SMG5: variants seen among roughly 807,000 people sequenced by gnomAD.
The protein encoded by SMG5 is nonsense-mediated mRNA decay factor SMG5.
SMG5 carries 53 observed loss-of-function variants against 122.9 expected under a neutral mutation model. The observed-to-expected ratio is 0.43, with a 90% CI of 0.35 to 0.54. The LOEUF is 0.54. SMG5 is among the 20% of genes least tolerant of loss of function. SMG5 has a pLI of 0.01. For synonymous variants in SMG5, 477 were observed against 490.2 expected, an observed-to-expected ratio of 0.97 and a Z score of 0.35; for missense variants, 1,153 against 1,285.6, an observed-to-expected ratio of 0.90 and a Z score of 1.58.
intron 11 of SMG5, 30 bp from the exon 12 acceptor site, chr1:156,266,410 C>T (rs748484492): frequency 1.1e-5 from 17 of 1,602,788 alleles, no homozygotes; most frequent in Admixed American, 1.0e-4. Flanking sequence ...AGGTGGAGCC[C>T]GAGGAACAGG....
chr1:156,258,795 TA>T lies in SMG5; in HGVS notation c.2442+209del, dbSNP rs543913594. On this transcript the variant is annotated intron_variant, in intron 16 of 21. Transcript: ENST00000361813. ...GGCAACAGAGTGGGACTCCATCTCATAAAAAAAAAAAAAACCCCTCTCAGTC... is the reference window on the plus strand; with the variant it reads ...GGCAACAGAGTGGGACTCCATCTCATAAAAAAAAAAAAACCCCTCTCAGTC... 2.3e-3 allele frequency among the ~76,000 whole-genome samples: 305 copies of T among 134,508 alleles called. 1 individual carries two copies. Among genetic ancestry groups the T allele is most frequent in the African/African-American group, 2.2e-3 (81 of 36,794 alleles). The allele number at this position is 134,508 out of a possible 152,430, so 88.2% of individuals were successfully genotyped here.
At chr1:156,253,631 TG>T in intron 16 of SMG5, 123 bp from the exon 17 acceptor site, 1 of 836,736 alleles carries the variant, frequency 1.2e-6, no homozygotes, top group Non-Finnish European at 2.0e-6. Flanking sequence ...TCTCTAGCAC[TG>T]CTGCTGAATG....
chr1:156,255,605 G>T (rs931114437), intron 16 of SMG5, among the ~76,000 whole-genome samples: 2 of 151,972 alleles, frequency 1.3e-5, no homozygotes, highest in Non-Finnish European at 2.9e-5. Context: ...TAATCTTGGG[G>T]CCAGGCACAG....
At chr1:156,285,679 A>AGGCGAG (rs1663130833), upstream of SMG5, 3 of 1,613,786 alleles carry the variant, frequency 1.9e-6, no homozygotes, top group Non-Finnish European at 2.5e-6. Flanking sequence ...GCTGTGAGGC[A>AGGCGAG]GGCGAGGGCG....
rs1205363773 is a variant in SMG5, at chr1:156,264,267, C to CAAAAAAAA, written c.1856-705_1856-698dup. Among the ~76,000 whole-genome samples, 9 of 53,980 alleles carry CAAAAAAAA rather than the reference C, an allele frequency of 1.7e-4. 2 individuals carry two copies. Among genetic ancestry groups the CAAAAAAAA allele is most frequent in the African/African-American group, 6.5e-4 (8 of 12,296 alleles). The allele number at this position is 53,980 out of a possible 152,430, so 35.4% of individuals were successfully genotyped here. A position where few individuals can be genotyped will look rare whatever the true frequency, so the allele number is the denominator to read the frequency against. ...TGGGCAACAGAGCGAGACTCCGTCTCAAAAAAAAAAAAAAAAAAAAAAAAA... is the reference window on the plus strand; with the variant it reads ...TGGGCAACAGAGCGAGACTCCGTCTCAAAAAAAAAAAAAAAAAAAAAAAAAAAAAAAAA... On this transcript the variant is annotated intron_variant, in intron 12 of 21. Coordinates refer to ENST00000361813, the MANE Select transcript of SMG5 (RefSeq NM_015327.3).
At position 156,265,792 on chromosome 1, in the gene SMG5, G is replaced by A; in HGVS notation, c.1844C>T (p.Pro615Leu). The change falls in exon 12 of 22, where the codon CCT becomes CTT. Residue 615 changes from proline to leucine, a missense_variant. By Grantham distance (98) the Pro-to-Leu change is moderately conservative. This residue lies in a region of SMG5 where 631 missense variants were observed against 650.6 expected (regional missense o/e 0.97). Transcript: ENST00000361813. ...AGTGGTCCAAATACCTGGCTCTGAAGGCTTGTCTACATCCCCATTGACGCA... is the reference window on the plus strand; with the variant it reads ...AGTGGTCCAAATACCTGGCTCTGAAAGCTTGTCTACATCCCCATTGACGCA... The part of the protein sequence containing the change: ...RPCVNGDVDK[P>L]SEPASEEGSE... 5.6e-6 allele frequency: 9 copies of A among 1,613,716 alleles called. No homozygotes were observed. The highest frequency in any genetic ancestry group is 4.5e-5 in the East Asian group (2 of 44,880).
chr1:156,272,401 A>G lies in SMG5; in HGVS notation c.635-3T>C. ...GCCCAGCTGATTGAAGGGCATTCCT[A>G]GGGAGAAAGAGAATTCATGCAGTCT... On this transcript the variant is annotated splice_region_variant and splice_polypyrimidine_tract_variant and intron_variant, in intron 6 of 21. Transcript: ENST00000361813. 1.3e-6 allele frequency: 2 copies of G among 1,597,760 alleles called. No homozygotes were observed. Among genetic ancestry groups the G allele is most frequent in the Non-Finnish European group, 1.7e-6 (2 of 1,170,118 alleles).
intron 16 of SMG5, among the ~76,000 whole-genome samples, chr1:156,254,275 CTT>C (rs958501127): frequency 6.6e-6 from 1 of 152,202 alleles, no homozygotes; most frequent in African/African-American, 2.4e-5. Flanking sequence ...CCAAGGCAAT[CTT>C]TTAAAAACCA....
At chr1:156,264,840 A>G (rs1662041624) in intron 12 of SMG5, among the ~76,000 whole-genome samples, 1 of 152,174 alleles carries the variant, frequency 6.6e-6, no homozygotes, top group Admixed American at 6.5e-5. Flanking sequence ...AGCCTGGCCA[A>G]CATGGCGAAA....
At chr1:156,280,084 G>A (rs552981741) in intron 1 of SMG5, among the ~76,000 whole-genome samples, 1 of 152,282 alleles carries the variant, frequency 6.6e-6, no homozygotes, top group East Asian at 1.9e-4. Context: ...CATCCTTCTT[G>A]TTCTAAGGCT....
intron 1 of SMG5, among the ~76,000 whole-genome samples, chr1:156,280,456 C>T (rs1261831999): frequency 1.3e-5 from 2 of 152,326 alleles, no homozygotes; most frequent in African/African-American, 4.8e-5. Flanking sequence ...GGATGGTAAT[C>T]GATACCTTCT....
rs749780722 is a variant in SMG5 at position 156,263,420 on chromosome 1, G to A, written c.2006C>T (p.Pro669Leu). The change falls in exon 13 of 22, where the codon CCC (proline) becomes CTC (leucine). Residue 669 changes from proline (P) to leucine (L), a missense_variant. Pro to Leu is a moderately conservative substitution (Grantham distance 98). This residue lies in a region of SMG5 where 631 missense variants were observed against 650.6 expected (regional missense o/e 0.97). Transcript: ENST00000361813. ...KVFLDWLRTN[P>L]DLIIVCAQSS... ...CTGCGCACACACGATGATGAGGTCGGGGTTGGTCCGAAGCCAGTCCAGGAA... is the reference window on the plus strand; with the variant it reads ...CTGCGCACACACGATGATGAGGTCGAGGTTGGTCCGAAGCCAGTCCAGGAA... The A allele has an allele frequency of 3.7e-6, 6 of 1,614,186 alleles. No individual in the cohort carries two copies. The highest frequency in any genetic ancestry group is 4.2e-6 in the Non-Finnish European group (5 of 1,180,016).
intron 9 of SMG5, among the ~76,000 whole-genome samples, 164 bp from the exon 10 acceptor site, chr1:156,267,842 CAG>C (rs1662227176): frequency 6.6e-6 from 1 of 152,158 alleles, no homozygotes; most frequent in African/African-American, 2.4e-5. Flanking sequence ...GCAACTAAAA[CAG>C]GGGAAGGGAT....
chr1:156,277,862 C>T, intron 3 of SMG5, 63 bp downstream of exon 3: 1 of 1,602,058 alleles, frequency 6.2e-7, no homozygotes, highest in Non-Finnish European at 8.5e-7. Context: ...TGTTCTGCGC[C>T]CACTTTCCTA....
chr1:156,266,265 G>C lies in SMG5; in HGVS notation c.1371C>G (p.Ser457=), dbSNP rs1489849907. The C allele has an allele frequency of 6.2e-7, 1 of 1,614,248 alleles. No individual in the cohort carries two copies. The highest frequency in any genetic ancestry group is 8.5e-7 in the Non-Finnish European group (1 of 1,180,046). ...GTGGGTGGCGGCGACGGCGGAGACA[G>C]GAGAGGCGAGAGAACTTACGGCTCT... ...GRKSRKFSRL[S]CLRRRRHPPK... The change falls in exon 12 of 22, where the codon TCC becomes TCG. Residue 457 remains serine (S), a synonymous_variant. Coordinates refer to ENST00000361813, the MANE Select transcript of SMG5 (RefSeq NM_015327.3).
At chr1:156,282,514 C>G (rs896845196) in intron 1 of SMG5, 93 bp downstream of exon 1, 1 of 1,413,272 alleles carries the variant, frequency 7.1e-7, no homozygotes, top group African/African-American at 1.4e-5. Flanking sequence ...GCACCTCACC[C>G]CGACACCCGG....
chr1:156,265,653 C>T (rs933091243), intron 12 of SMG5, 128 bp downstream of exon 12: 17 of 1,395,690 alleles, frequency 1.2e-5, no homozygotes, highest in Non-Finnish European at 1.4e-5. Flanking sequence ...GGCTACACCA[C>T]AGGCAGAGGG....
intron 4 of SMG5, among the ~76,000 whole-genome samples, chr1:156,274,918 G>A (rs1469650563): frequency 2.0e-5 from 3 of 152,080 alleles, no homozygotes; most frequent in Admixed American, 2.0e-4. Flanking sequence ...GGACAGGAAG[G>A]AACTGGAAAA....
At chr1:156,273,735 T>A (rs1662552269) in intron 5 of SMG5, among the ~76,000 whole-genome samples, 1 of 149,214 alleles carries the variant, frequency 6.7e-6, no homozygotes, top group Non-Finnish European at 1.5e-5. Flanking sequence ...TTTTTTTTTT[T>A]TTTTAGAGAC....
Sources: allele counts gnomAD v4.1 joint callset (sites outside exome capture counted in the v4.1 genomes callset), GRCh38; gene constraint gnomAD v4.1.1; regional missense constraint gnomAD v4.1.1; transcripts MANE v1.5; gene names NCBI Gene and HGNC (gene_info 2026-07-23, HGNC 2026-07-21).